Variants in FGGY observed in about 807,000 individuals in gnomAD.
FGGY encodes FGGY carbohydrate kinase domain-containing protein.
In FGGY, 72 loss-of-function variants were observed where a neutral mutation model predicts 71.3. The observed-to-expected ratio is 1.01, with a 90% confidence interval of 0.84 to 1.23. The LOEUF (loss-of-function observed/expected upper bound fraction) is 1.23. FGGY is among the 50% of genes most tolerant of loss of function. The pLI, the probability that FGGY is intolerant of heterozygous loss-of-function variation, is 0.00. For synonymous variants in FGGY, 251 were observed against 250.3 expected (o/e 1.00, Z -0.02); for missense variants, 668 against 682.3 (o/e 0.98, Z 0.23).
At chr1:59,507,329 A>G (rs999750288) in intron 6 of FGGY, among the ~76,000 whole-genome samples, 2 of 152,244 alleles carry the variant, frequency 1.3e-5, no homozygotes, top group Admixed American at 6.5e-5. Context: ...GTTAAGTTAC[A>G]GTCACTGTGT....
At chr1:59,654,495 GTCTTTTGTAA>G (rs2097200224) in intron 11 of FGGY, among the ~76,000 whole-genome samples, 1 of 152,068 alleles carries the variant, frequency 6.6e-6, no homozygotes, top group Admixed American at 6.5e-5. Context: ...CCATTTTCTT[GTCTTTTGTAA>G]TCTTTTGAGA....
chr1:59,405,038 C>A (rs944802743), intron 5 of FGGY, among the ~76,000 whole-genome samples: 15 of 152,270 alleles, frequency 9.9e-5, no homozygotes, highest in Non-Finnish European at 2.2e-4. Context: ...ATTTTAATTC[C>A]ATTTTAAAGA....
chr1:59,661,311 A>G (rs1331203557), intron 12 of FGGY, among the ~76,000 whole-genome samples: 1 of 152,218 alleles, frequency 6.6e-6, no homozygotes, highest in African/African-American at 2.4e-5. Flanking sequence ...TGTGCAATAA[A>G]GAATGGAACC....
chr1:59,455,551 C>T (rs1052495406), intron 5 of FGGY, among the ~76,000 whole-genome samples: 3 of 152,076 alleles, frequency 2.0e-5, no homozygotes, highest in Admixed American at 6.5e-5. Flanking sequence ...GGACTTTGTC[C>T]TGAAGTTAGA....
intron 7 of FGGY, among the ~76,000 whole-genome samples, chr1:59,533,470 C>G (rs1017811654): frequency 4.7e-4 from 71 of 152,314 alleles, no homozygotes; most frequent in Non-Finnish European, 9.1e-4. Flanking sequence ...GCAAAGCAGC[C>G]GGGAAGCTCG....
chr1:59,540,018 T>G (rs2095414927), intron 7 of FGGY, among the ~76,000 whole-genome samples: 2 of 152,202 alleles, frequency 1.3e-5, no homozygotes, highest in Admixed American at 6.5e-5. Flanking sequence ...CGAAAAATTG[T>G]CCAGCCTTGT....
chr1:59,685,667 T>C (rs1274835076), intron 14 of FGGY, among the ~76,000 whole-genome samples: 1 of 152,182 alleles, frequency 6.6e-6, no homozygotes, highest in Non-Finnish European at 1.5e-5. Flanking sequence ...GAAAATCAGA[T>C]TGTTTTAATT....
rs114805609 is a variant in FGGY at position 59,684,768 on chromosome 1, C to T, written c.1512+10635C>T. 2.9e-3 allele frequency among the ~76,000 whole-genome samples: 447 copies of T among 152,284 alleles called. 1 individual carries two copies. Among genetic ancestry groups the T allele is most frequent in the African/African-American group, 9.9e-3 (412 of 41,556 alleles). On this transcript the variant is annotated intron_variant, in intron 14 of 15. Transcript: ENST00000303721. ...CTGAACCTCACGGTGATGCCATCTC[C>T]TCGGCTTGCTAGCTGTGTGAACACA... is the stretch of plus-strand genomic sequence containing the variant.
intron 14 of FGGY, among the ~76,000 whole-genome samples, chr1:59,683,372 C>T (rs2153990002): frequency 6.6e-6 from 1 of 152,280 alleles, no homozygotes; most frequent in Non-Finnish European, 1.5e-5. Context: ...CTGACATTAA[C>T]ACCAAGAAAT....
In FGGY at chr1:59,680,190, C is replaced by CT. The variant is rs905732593; in HGVS notation, c.1512+6067dup. Among the ~76,000 whole-genome samples the CT allele has an allele frequency of 1.1e-3, 168 of 147,184 alleles. 1 individual carries two copies. Among genetic ancestry groups the CT allele is most frequent in the African/African-American group, 3.0e-3 (123 of 40,356 alleles). On this transcript the variant is annotated intron_variant, in intron 14 of 15. Coordinates refer to ENST00000303721, the MANE Select transcript of FGGY (RefSeq NM_018291.5). ...TCACATATGGTCCTGATATTATCAG[C>CT]TTTTTTTTTTAGTAGCCTTTTGCCC...
At chr1:59,708,746 A>G (rs1235795388) in intron 14 of FGGY, among the ~76,000 whole-genome samples, 1 of 152,188 alleles carries the variant, frequency 6.6e-6, no homozygotes. Context: ...GAAAAATCCA[A>G]AGTACAGGTT....
intron 8 of FGGY, among the ~76,000 whole-genome samples, chr1:59,579,542 C>A (rs2096148939): frequency 6.6e-6 from 1 of 152,168 alleles, no homozygotes; most frequent in Non-Finnish European, 1.5e-5. Flanking sequence ...AAGAACAATT[C>A]TATTCATACA....
chr1:59,616,446 A>G lies in FGGY; in HGVS notation c.1011+8536A>G, dbSNP rs1006033569. On this transcript the variant is annotated intron_variant, in intron 9 of 15. Coordinates refer to ENST00000303721, the MANE Select transcript of FGGY (RefSeq NM_018291.5). ...AATTGAACAGTGAGAACACATGGAC[A>G]CAGGAATGGGAACATCATACACCAG... Among the ~76,000 whole-genome samples, 6 of 152,270 alleles carry G rather than the reference A, an allele frequency of 3.9e-5. No individual in the cohort carries two copies. The East Asian group carries it at 7.7e-4, about 20-fold the overall frequency.
At chr1:59,332,772 C>T (rs954875919) in intron 2 of FGGY, among the ~76,000 whole-genome samples, 5 of 152,260 alleles carry the variant, frequency 3.3e-5, no homozygotes, top group African/African-American at 4.8e-5. Context: ...AGGTTACTCC[C>T]GCCATGATTC....
intron 3 of FGGY, among the ~76,000 whole-genome samples, chr1:59,344,991 T>C (rs1207528544): frequency 6.6e-6 from 1 of 152,198 alleles, no homozygotes; most frequent in African/African-American, 2.4e-5. Flanking sequence ...ATCTGTTCTC[T>C]ATGCAGATCT....
intron 6 of FGGY, among the ~76,000 whole-genome samples, chr1:59,460,118 G>A (rs960807445): frequency 2.7e-4 from 41 of 152,302 alleles, no homozygotes; most frequent in Middle Eastern, 6.8e-3. Flanking sequence ...GGAAGCACAA[G>A]GGGTGGGGGA....
intron 6 of FGGY, among the ~76,000 whole-genome samples, chr1:59,458,494 T>C (rs1387991444): frequency 3.9e-5 from 6 of 152,228 alleles, no homozygotes; most frequent in African/African-American, 1.2e-4. Context: ...TAACTTCAAC[T>C]CTGATTTTCT....
intron 5 of FGGY, among the ~76,000 whole-genome samples, chr1:59,447,487 T>C (rs17119463): frequency 0.057 from 8,643 of 152,188 alleles, 816 homozygotes; most frequent in African/African-American, 0.2. Flanking sequence ...GGACCTTTTA[T>C]CGCACCCTAT....
chr1:59,742,709 A>G (rs2098161439), intron 14 of FGGY, among the ~76,000 whole-genome samples: 1 of 152,232 alleles, frequency 6.6e-6, no homozygotes, highest in Non-Finnish European at 1.5e-5. Flanking sequence ...CACTATCAAT[A>G]AATGGCACCA....
Sources: allele counts gnomAD v4.1 joint callset (sites outside exome capture counted in the v4.1 genomes callset), GRCh38; gene constraint gnomAD v4.1.1; transcripts MANE v1.5; gene names NCBI Gene and HGNC (gene_info 2026-07-23, HGNC 2026-07-21).